PFKM: variants seen among roughly 807,000 people sequenced by gnomAD.
PFKM encodes the protein ATP-dependent 6-phosphofructokinase, muscle type.
PFKM carries 58 observed loss-of-function variants against 95.5 expected under a neutral mutation model. That is an observed-to-expected ratio of 0.61 (90% CI 0.49 to 0.76). The LOEUF is 0.76. Ranked by LOEUF, PFKM falls within the 30% of genes least tolerant of loss-of-function variation. PFKM has a pLI of 0.00. For missense variants in PFKM, 678 were observed against 1,005.4 expected (o/e 0.67, Z 4.40); for synonymous variants, 336 against 357.2 (o/e 0.94, Z 0.67).
At chr12:48,129,419 T>C (rs1227878899) in intron 2 of PFKM, among the ~76,000 whole-genome samples, 1 of 151,912 alleles carries the variant, frequency 6.6e-6, no homozygotes, top group East Asian at 1.9e-4. Context: ...AGTATACTTT[T>C]TGAGTTCCCC....
Position 48,145,355 on chromosome 12 carries a change from T to C in PFKM, c.2198+40T>C. The stretch of plus-strand genomic sequence containing the variant: ...TTCCTGGAGTGGTTCTTTTCCCTGG[T>C]AGTTTCAAGCTCTACTGTCCTCAAC... On this transcript the variant is annotated intron_variant, in intron 22 of 22. Transcript: ENST00000359794. The surrounding 1 kb of genome is among the most constrained non-coding windows in gnomAD (Gnocchi z 4.3). 6.5e-7 allele frequency: 1 copy of C among 1,531,622 alleles called. No individual in the cohort carries two copies. The highest frequency in any genetic ancestry group is 9.0e-7 in the Non-Finnish European group (1 of 1,105,012). 94.9% of individuals were successfully genotyped at this position (1,531,622 alleles called of 1,614,324 possible). A position where few individuals can be genotyped will look rare whatever the true frequency, so the allele number is the denominator to read the frequency against.
chr12:48,119,282 TCTC>T (rs1052738289), upstream of PFKM: 53 of 984,632 alleles, frequency 5.4e-5, no homozygotes, highest in African/African-American at 7.2e-4. Context: ...TTGGGAAGCC[TCTC>T]CTCCTTCCCC....
chr12:48,137,843 G>C lies in PFKM; in HGVS notation c.1059G>C (p.Gln353His). The C allele has an allele frequency of 6.2e-7, 1 of 1,614,190 alleles. No individual in the cohort carries two copies. Among genetic ancestry groups the C allele is most frequent in the South Asian group, 1.1e-5 (1 of 91,088 alleles). ...GCCTGCCCCTCATGGAATGTGTCCA[G>C]GTGGTAAGTACTGATCCTAAACCCC... is the stretch of plus-strand genomic sequence containing the variant. ...AVRLPLMECV[Q>H]VTKDVTKAMD... Residue 353 changes from glutamine to histidine, a missense_variant, in exon 11 of 23, where the codon CAG becomes CAC. Coordinates refer to ENST00000359794, the MANE Select transcript of PFKM (RefSeq NM_000289.6).
chr12:48,137,418 C>T (rs1004554809), intron 10 of PFKM: 3 of 428,394 alleles, frequency 7.0e-6, no homozygotes, highest in African/African-American at 6.1e-5. Flanking sequence ...CAATCTCCTA[C>T]CTTGTTTTGT....
At chr12:48,106,284 T>C (rs931195837) in intron 1 of PFKM, 3 of 595,174 alleles carry the variant, frequency 5.0e-6, no homozygotes, top group Non-Finnish European at 9.0e-6. Flanking sequence ...CAGTCTGGGC[T>C]TTTTCGCTTT....
chr12:48,132,275 T>C lies in PFKM; in HGVS notation c.238-593T>C, dbSNP rs536583017. ...TCCCAGGGACTTATAGATACCTCTC[T>C]TGGGGTATCTATAAGGCTTTCTTTA... On this transcript the variant is annotated intron_variant, in intron 4 of 22. Coordinates refer to ENST00000359794, the MANE Select transcript of PFKM (RefSeq NM_000289.6). 16 of 334,870 alleles carry C rather than the reference T, an allele frequency of 4.8e-5. No individual in the cohort carries two copies. The East Asian group carries it at 1.3e-3, about 27-fold the overall frequency. The allele number at this position is 334,870 out of a possible 1,614,324, so 20.7% of individuals were successfully genotyped here.
intron 1 of PFKM, chr12:48,106,297 C>T: frequency 8.4e-6 from 5 of 593,362 alleles, no homozygotes; most frequent in South Asian, 2.0e-5. Flanking sequence ...TTCGCTTTCT[C>T]GTACTCGGAA....
At chr12:48,141,418 C>T in intron 15 of PFKM, 37 bp downstream of exon 15, 2 of 1,570,776 alleles carry the variant, frequency 1.3e-6, no homozygotes, top group East Asian at 2.2e-5. Context: ...TCCCAGTCAC[C>T]TCTTAAAGTT....
chr12:48,110,096 CA>C (rs1565837384), intron 3 of PFKM, among the ~76,000 whole-genome samples: 2 of 152,058 alleles, frequency 1.3e-5, no homozygotes, highest in Non-Finnish European at 2.9e-5. Flanking sequence ...GAGGATAAAA[CA>C]GGGGGTGTAA....
chr12:48,105,631 G>C, upstream of PFKM: 1 of 434,132 alleles, frequency 2.3e-6, no homozygotes, highest in Non-Finnish European at 4.4e-6. Context: ...ACCACAGAAA[G>C]CCGAGCTTCC....
At chr12:48,110,857 C>T (rs551506869) in intron 3 of PFKM, among the ~76,000 whole-genome samples, 1 of 152,140 alleles carries the variant, frequency 6.6e-6, no homozygotes, top group Non-Finnish European at 1.5e-5. Flanking sequence ...CATAGAGGAT[C>T]AGCTCCTGGC....
At chr12:48,112,672 A>C (rs1947309079) in intron 3 of PFKM, among the ~76,000 whole-genome samples, 1 of 152,206 alleles carries the variant, frequency 6.6e-6, no homozygotes, top group South Asian at 2.1e-4. Flanking sequence ...TTAGGAGAGT[A>C]TATGCCTTTG....
At chr12:48,143,728 T>A (rs1247987233) in intron 18 of PFKM, 25 bp from the exon 19 acceptor site, 2 of 1,585,882 alleles carry the variant, frequency 1.3e-6, no homozygotes, top group Non-Finnish European at 1.7e-6. Context: ...CCAGTTAGGC[T>A]TAGGATTTAC....
At chr12:48,113,585 G>A (rs934966249) in intron 3 of PFKM, among the ~76,000 whole-genome samples, 11 of 151,914 alleles carry the variant, frequency 7.2e-5, no homozygotes, top group South Asian at 4.2e-4. Flanking sequence ...CCAGATTTCC[G>A]ACACTTGAAG....
At chr12:48,137,149 T>C (rs1281794822) in intron 10 of PFKM, among the ~76,000 whole-genome samples, 1 of 149,624 alleles carries the variant, frequency 6.7e-6, no homozygotes, top group Non-Finnish European at 1.5e-5. Context: ...GCAGTCTCCA[T>C]CTCCTGGGTT....
At chr12:48,125,779 C>T (rs1282753851) in intron 2 of PFKM, among the ~76,000 whole-genome samples, 3 of 152,062 alleles carry the variant, frequency 2.0e-5, no homozygotes, top group Non-Finnish European at 2.9e-5. Context: ...TTTAAAGGTT[C>T]GCACGAACAG....
intron 13 of PFKM, 51 bp downstream of exon 13, chr12:48,139,963 T>A (rs772911479): frequency 8.4e-7 from 1 of 1,194,160 alleles, no homozygotes; most frequent in South Asian, 1.2e-5. Flanking sequence ...CCTCCCCCAG[T>A]CTCTCTTCAT....
chr12:48,131,419 C>T (rs374142666), intron 4 of PFKM, 26 bp downstream of exon 4: 10 of 1,516,112 alleles, frequency 6.6e-6, no homozygotes, highest in African/African-American at 1.4e-5. Context: ...CTCCCTGTCC[C>T]ATATTTGCTC....
In PFKM at chr12:48,124,690, C is replaced by T. The variant is rs960990484; in HGVS notation, c.85+1831C>T. On this transcript the variant is annotated intron_variant, in intron 2 of 22. Coordinates refer to ENST00000359794, the MANE Select transcript of PFKM (RefSeq NM_000289.6). Reference sequence around the variant, plus strand: ...ATAGATAAGCTGATTTCTGAAGGACCCAGCTGATAGGCACAGTGTAGCCAG... The same window carrying T: ...ATAGATAAGCTGATTTCTGAAGGACTCAGCTGATAGGCACAGTGTAGCCAG... Among the ~76,000 whole-genome samples, 19 of 152,188 alleles carry T rather than the reference C, an allele frequency of 1.2e-4. 1 individual carries two copies. Among genetic ancestry groups the T allele is most frequent in the Middle Eastern group, 6.8e-3 (2 of 294 alleles).
Sources: allele counts gnomAD v4.1 joint callset (sites outside exome capture counted in the v4.1 genomes callset), GRCh38; gene constraint gnomAD v4.1.1; non-coding constraint Gnocchi (gnomAD v3.1); transcripts MANE v1.5; gene names NCBI Gene and HGNC (gene_info 2026-07-23, HGNC 2026-07-21).